GABRB2: variants seen among roughly 807,000 people sequenced by gnomAD.
The protein encoded by GABRB2 is gamma-aminobutyric acid type A receptor subunit beta2.
GABRB2 carries 16 observed loss-of-function variants against 54.7 expected under a neutral mutation model. That is an observed-to-expected ratio of 0.29 (90% CI 0.20 to 0.44). The LOEUF (loss-of-function observed/expected upper bound fraction) is 0.44, where lower values mean the gene tolerates loss of function less well. Among genes scored for constraint, GABRB2 ranks in the 20% least tolerant of loss-of-function variants. The probability of loss-of-function intolerance (pLI) is 1.00; values close to 1 mark genes in which losing one functional copy is unlikely to be tolerated. For synonymous variants in GABRB2, 244 were observed against 233.8 expected (o/e 1.04, Z -0.40); for missense variants, 355 against 644.0 (o/e 0.55, Z 4.86).
intron 4 of GABRB2, among the ~76,000 whole-genome samples, chr5:161,441,530 A>G (rs1338983446): frequency 1.3e-5 from 2 of 152,216 alleles, no homozygotes; most frequent in African/African-American, 4.8e-5. Context: ...TATAACCACT[A>G]TGGAGAACAG....
At chr5:161,540,975 A>G (rs1184553532) in intron 3 of GABRB2, among the ~76,000 whole-genome samples, 1 of 152,062 alleles carries the variant, frequency 6.6e-6, no homozygotes, top group African/African-American at 2.4e-5. Context: ...CCTCCTGAGT[A>G]GCTGGGACTA....
intron 3 of GABRB2, among the ~76,000 whole-genome samples, chr5:161,494,337 A>G (rs1181880344): frequency 6.6e-6 from 1 of 151,866 alleles, no homozygotes; most frequent in East Asian, 1.9e-4. Context: ...AAAAAGAAGA[A>G]TTTAAGAATG....
At chr5:161,360,245 T>A (rs923375266) in intron 5 of GABRB2, among the ~76,000 whole-genome samples, 1 of 152,018 alleles carries the variant, frequency 6.6e-6, no homozygotes, top group African/African-American at 2.4e-5. Flanking sequence ...GAAAAAAAAA[T>A]GACTGATTCC....
chr5:161,520,874 A>G (rs1760092618), intron 3 of GABRB2, among the ~76,000 whole-genome samples: 1 of 152,080 alleles, frequency 6.6e-6, no homozygotes, highest in South Asian at 2.1e-4. Context: ...AGCTTGCCAT[A>G]TTAGACCCTA....
upstream of GABRB2, among the ~76,000 whole-genome samples, chr5:161,547,279 C>A (rs1761017649): frequency 9.7e-6 from 1 of 102,900 alleles, no homozygotes; most frequent in Non-Finnish European, 1.8e-5. Context: ...AGGGAAAAAA[C>A]CAATGGGAGG....
intron 4 of GABRB2, among the ~76,000 whole-genome samples, chr5:161,446,190 G>A (rs1336504649): frequency 6.6e-6 from 1 of 152,020 alleles, no homozygotes; most frequent in East Asian, 1.9e-4. Flanking sequence ...ATGGAGTAAG[G>A]ATTATATGTA....
At chr5:161,402,473 T>A (rs919107424) in intron 5 of GABRB2, among the ~76,000 whole-genome samples, 3 of 151,982 alleles carry the variant, frequency 2.0e-5, no homozygotes, top group Non-Finnish European at 4.4e-5. Flanking sequence ...TAGTAATAAA[T>A]CCATACTAGC....
intron 3 of GABRB2, among the ~76,000 whole-genome samples, chr5:161,489,539 CA>C (rs1759036934): frequency 6.6e-6 from 1 of 151,570 alleles, no homozygotes; most frequent in South Asian, 2.1e-4. Context: ...AACTCAAACT[CA>C]GGTGGTTTGA....
At chr5:161,408,359 TC>T (rs575844222) in intron 5 of GABRB2, among the ~76,000 whole-genome samples, 100 of 152,168 alleles carry the variant, frequency 6.6e-4, no homozygotes, top group African/African-American at 2.3e-3. Flanking sequence ...CGATACACAA[TC>T]TATATATCTA....
intron 3 of GABRB2, among the ~76,000 whole-genome samples, chr5:161,498,167 A>C (rs1759315281): frequency 6.6e-6 from 1 of 152,134 alleles, no homozygotes; most frequent in South Asian, 2.1e-4. Context: ...ATGTGAAACA[A>C]ATATAAAAAG....
intron 5 of GABRB2, among the ~76,000 whole-genome samples, chr5:161,387,828 A>T (rs1041578704): frequency 6.6e-6 from 1 of 152,194 alleles, no homozygotes; most frequent in East Asian, 1.9e-4. Context: ...ACGTCTAGAA[A>T]TTTTTTAAAT....
In GABRB2 at chr5:161,431,432, C is replaced by T. The variant is rs74477731; in HGVS notation, c.459-20375G>A. ...GAGATAGCAATTAATGCTTTAAAGA[C>T]ATGTATGCATGTATGATGATGTTTT... On this transcript the variant is annotated intron_variant, in intron 4 of 9. Coordinates refer to ENST00000393959, the MANE Select transcript of GABRB2 (RefSeq NM_001371727.1). Among the ~76,000 whole-genome samples the T allele has an allele frequency of 5.5e-3, 834 of 152,198 alleles. 8 individuals carry two copies. The highest frequency in any genetic ancestry group is 0.019 in the African/African-American group (789 of 41,540).
At chr5:161,457,425 T>C (rs1464336706) in intron 4 of GABRB2, among the ~76,000 whole-genome samples, 1 of 151,998 alleles carries the variant, frequency 6.6e-6, no homozygotes, top group African/African-American at 2.4e-5. Context: ...ATAATATTGA[T>C]TTACCCCTTT....
At chr5:161,485,609 T>A (rs2113339227) in intron 3 of GABRB2, among the ~76,000 whole-genome samples, 1 of 152,048 alleles carries the variant, frequency 6.6e-6, no homozygotes, top group East Asian at 1.9e-4. Flanking sequence ...AGCAAACCAA[T>A]AATTCCCTTC....
chr5:161,394,396 G>T (rs572684237), intron 5 of GABRB2, among the ~76,000 whole-genome samples: 1 of 151,964 alleles, frequency 6.6e-6, no homozygotes, highest in Non-Finnish European at 1.5e-5. Flanking sequence ...AGAAAATAGA[G>T]AAAACTAACA....
chr5:161,521,841 A>G (rs1760125532), intron 3 of GABRB2, among the ~76,000 whole-genome samples: 1 of 151,894 alleles, frequency 6.6e-6, no homozygotes, highest in Admixed American at 6.6e-5. Flanking sequence ...GCCTCAACAA[A>G]GCAGGTAAAC....
intron 2 of GABRB2, among the ~76,000 whole-genome samples, chr5:161,545,524 G>T (rs974888212): frequency 6.6e-6 from 1 of 151,384 alleles, no homozygotes; most frequent in East Asian, 1.9e-4. Flanking sequence ...GTGAACAAGG[G>T]ATTCCAGCTC....
intron 5 of GABRB2, among the ~76,000 whole-genome samples, chr5:161,353,266 A>T (rs1042785342): frequency 6.6e-6 from 1 of 152,036 alleles, no homozygotes; most frequent in Non-Finnish European, 1.5e-5. Context: ...CAGATCACTT[A>T]ATCTGCATTG....
chr5:161,313,001 G>T (rs1033048057), intron 9 of GABRB2, among the ~76,000 whole-genome samples: 1 of 152,206 alleles, frequency 6.6e-6, no homozygotes, highest in Non-Finnish European at 1.5e-5. Flanking sequence ...GTGGGTAGGA[G>T]AAGGGATAGA....
Sources: gnomAD v4.1 joint callset for allele counts (sites outside exome capture counted in the v4.1 genomes callset) on GRCh38, gnomAD v4.1.1 for gene constraint, MANE v1.5 for transcripts, NCBI Gene and HGNC (gene_info 2026-07-23, HGNC 2026-07-21) for gene names.